ALKBH3: variants seen among roughly 807,000 people sequenced by gnomAD.
ALKBH3 encodes alkB homolog 3, alpha-ketoglutarate dependent dioxygenase.
In ALKBH3, 51 loss-of-function variants were observed where a neutral mutation model predicts 43.9. The observed-to-expected ratio is 1.16, with a 90% confidence interval of 0.93 to 1.47. The LOEUF (loss-of-function observed/expected upper bound fraction) is 1.47. Ranked by LOEUF, ALKBH3 falls within the 40% of genes most tolerant of loss-of-function variation. The pLI is 0.00. For missense variants in ALKBH3, 361 were observed against 351.9 expected (o/e 1.03, Z -0.21); for synonymous variants, 102 against 115.2 (o/e 0.89, Z 0.73).
chr11:43,885,331 T>C (rs1442971189), intron 4 of ALKBH3, among the ~76,000 whole-genome samples: 1 of 152,208 alleles, frequency 6.6e-6, no homozygotes, highest in Non-Finnish European at 1.5e-5. Flanking sequence ...AAATACACCA[T>C]ATTGAAACAT....
intron 8 of ALKBH3, among the ~76,000 whole-genome samples, chr11:43,917,748 C>T (rs1590383984): frequency 6.6e-6 from 1 of 151,984 alleles, no homozygotes; most frequent in East Asian, 1.9e-4. Flanking sequence ...TCTGAGGGGT[C>T]AAAGGTAAAT....
intron 6 of ALKBH3, among the ~76,000 whole-genome samples, chr11:43,890,035 A>G (rs558144322): frequency 1.3e-5 from 2 of 152,288 alleles, no homozygotes; most frequent in Admixed American, 1.3e-4. Flanking sequence ...GATCAGAGAG[A>G]ACATGGCAGG....
At chr11:43,881,756 G>A (rs985382263) in intron 1 of ALKBH3, among the ~76,000 whole-genome samples, 2 of 152,140 alleles carry the variant, frequency 1.3e-5, no homozygotes, top group Non-Finnish European at 2.9e-5. Context: ...AATATAAAAC[G>A]AGCTTTTACC....
chr11:43,904,475 C>T (rs1252666910), intron 8 of ALKBH3, among the ~76,000 whole-genome samples: 2 of 152,156 alleles, frequency 1.3e-5, no homozygotes, highest in Non-Finnish European at 2.9e-5. Flanking sequence ...AAATTATAAT[C>T]ACACATGAGT....
At position 43,907,212 on chromosome 11, in the gene ALKBH3, A is replaced by T. The variant is rs532701885; in HGVS notation, c.669+5487A>T. 6.2e-3 allele frequency among the ~76,000 whole-genome samples: 925 copies of T among 149,522 alleles called. 2 individuals carry two copies. The highest frequency in any genetic ancestry group is 0.035 in the South Asian group (166 of 4,692). ...TGTGAGGGTGAGTAGAGAGAGAGAG[A>T]GTGTGTGTGTGTGTGTGCGTGTGTG... On this transcript the variant is annotated intron_variant, in intron 8 of 9. Coordinates refer to ENST00000302708, the MANE Select transcript of ALKBH3 (RefSeq NM_139178.4).
chr11:43,902,561 A>C, intron 8 of ALKBH3, among the ~76,000 whole-genome samples: 1 of 152,178 alleles, frequency 6.6e-6, no homozygotes, highest in East Asian at 1.9e-4. Flanking sequence ...AACCAGACCC[A>C]GTCGGTGTGG....
intron 8 of ALKBH3, among the ~76,000 whole-genome samples, chr11:43,904,407 A>G (rs148889677): frequency 1.3e-3 from 195 of 152,348 alleles, no homozygotes; most frequent in Non-Finnish European, 2.1e-3. Context: ...CAGTTTTTGT[A>G]TATCATCTCA....
chr11:43,884,240 C>G (rs1382609970), intron 4 of ALKBH3, among the ~76,000 whole-genome samples: 1 of 152,140 alleles, frequency 6.6e-6, no homozygotes, highest in Non-Finnish European at 1.5e-5. Context: ...ATATGTTAAA[C>G]TTTGACTTGT....
chr11:43,917,205 C>T (rs1450080477), intron 8 of ALKBH3, among the ~76,000 whole-genome samples: 1 of 152,210 alleles, frequency 6.6e-6, no homozygotes, highest in East Asian at 1.9e-4. Flanking sequence ...CATTGAACAT[C>T]ACTTTCCATC....
intron 8 of ALKBH3, chr11:43,910,517 T>A (rs1951930271): frequency 6.6e-6 from 1 of 152,244 alleles, no homozygotes; most frequent in South Asian, 2.1e-4. Context: ...TTCCACCCTG[T>A]AATGATAAAA....
chr11:43,883,986 G>A lies in ALKBH3; in HGVS notation c.187G>A (p.Val63Ile), dbSNP rs141558124. ...AGATCCGCCTATTTCCTTGCAGGTA[G>A]TACGTAGAGCTCCTGAGCCACGAGT... ...EFVFKEPQQV[V>I]RRAPEPRVID... The change falls in exon 4 of 10, where the codon GTA (valine) becomes ATA (isoleucine). Residue 63 changes from valine to isoleucine, a missense_variant. Transcript: ENST00000302708. 4 of 1,613,864 alleles carry A rather than the reference G, an allele frequency of 2.5e-6. No homozygotes were observed. The highest frequency in any genetic ancestry group is 2.2e-5 in the East Asian group (1 of 44,822).
At chr11:43,895,131 A>G (rs1468691536) in intron 7 of ALKBH3, among the ~76,000 whole-genome samples, 1 of 152,192 alleles carries the variant, frequency 6.6e-6, no homozygotes, top group South Asian at 2.1e-4. Context: ...CCTGACAACC[A>G]TGGGATATAC....
chr11:43,886,747 T>C (rs1951749285), intron 5 of ALKBH3, 94 bp downstream of exon 5: 7 of 1,210,726 alleles, frequency 5.8e-6, no homozygotes, highest in Non-Finnish European at 8.4e-6. Flanking sequence ...ATGTAGTACA[T>C]ATACATTATG....
chr11:43,883,141 G>C lies in ALKBH3; in HGVS notation c.136G>C (p.Glu46Gln), dbSNP rs190547700. Residue 46 changes from glutamate to glutamine, a missense_variant, in exon 3 of 10, where the codon GAG becomes CAG. By Grantham distance (29) the Glu-to-Gln change is conservative. Coordinates refer to ENST00000302708, the MANE Select transcript of ALKBH3 (RefSeq NM_139178.4). ...QKPGQTWKNKEHHLSDREFVF... is the reference protein window; with the variant it reads ...QKPGQTWKNKQHHLSDREFVF... ...GCCTGGCCAGACCTGGAAGAACAAA[G>C]AGCATCATCTCTCTGACAGAGAGTT... 875 of 1,614,094 alleles carry C rather than the reference G, an allele frequency of 5.4e-4. 8 individuals are homozygous for C. The Middle Eastern group carries it at 8.4e-3, about 16-fold the overall frequency.
intron 7 of ALKBH3, chr11:43,898,213 C>T: frequency 9.0e-7 from 1 of 1,117,048 alleles, no homozygotes; most frequent in Non-Finnish European, 1.4e-6. Context: ...TCTCATTAGA[C>T]TTCACGGGTG....
At chr11:43,890,182 A>G (rs573499194) in intron 6 of ALKBH3, among the ~76,000 whole-genome samples, 1 of 152,340 alleles carries the variant, frequency 6.6e-6, no homozygotes, top group East Asian at 1.9e-4. Context: ...ATAGAAAATT[A>G]CAGAGCTTTC....
At chr11:43,890,734 C>A (rs564410666) in intron 6 of ALKBH3, among the ~76,000 whole-genome samples, 1 of 151,946 alleles carries the variant, frequency 6.6e-6, no homozygotes, top group African/African-American at 2.4e-5. Flanking sequence ...CATGGTGGTG[C>A]GCACCTGTAG....
intron 2 of ALKBH3, 105 bp from the exon 3 acceptor site, chr11:43,882,980 T>A: frequency 1.1e-6 from 1 of 933,944 alleles, no homozygotes; most frequent in Non-Finnish European, 1.6e-6. Flanking sequence ...AGTTTCTACA[T>A]GTCATAGAGA....
At chr11:43,899,459 G>C (rs1020195782) in intron 7 of ALKBH3, 1 of 704,180 alleles carries the variant, frequency 1.4e-6, no homozygotes, top group Non-Finnish European at 2.7e-6. Context: ...GGATTTCAGA[G>C]GTTCCATGAC....
Sources: allele counts gnomAD v4.1 joint callset (sites outside exome capture counted in the v4.1 genomes callset), GRCh38; gene constraint gnomAD v4.1.1; transcripts MANE v1.5; gene names NCBI Gene and HGNC (gene_info 2026-07-23, HGNC 2026-07-21).